HERC1: variants seen among roughly 807,000 people sequenced by gnomAD.
HERC1 encodes the protein probable E3 ubiquitin-protein ligase HERC1.
Under a neutral mutation model 554.3 loss-of-function variants are expected in HERC1, and 160 were observed. That is an observed-to-expected ratio of 0.29 (90% CI 0.25 to 0.33). HERC1 has a LOEUF of 0.33. HERC1 is among the 10% of genes least tolerant of loss of function. HERC1 has a pLI of 1.00. For missense variants in HERC1, 4,919 were observed against 5,918.5 expected, an observed-to-expected ratio of 0.83 and a Z score of 5.54; for synonymous variants, 2,175 against 2,131.7, an observed-to-expected ratio of 1.02 and a Z score of -0.56.
intron 1 of HERC1, among the ~76,000 whole-genome samples, chr15:63,801,157 TG>T (rs1310977628): frequency 1.3e-5 from 2 of 152,206 alleles, no homozygotes; most frequent in Admixed American, 1.3e-4. Context: ...CTCTCCCATT[TG>T]GTTATTCCTG....
intron 25 of HERC1, among the ~76,000 whole-genome samples, chr15:63,703,273 G>GC (rs2072826969): frequency 6.6e-6 from 1 of 152,172 alleles, no homozygotes; most frequent in African/African-American, 2.4e-5. Flanking sequence ...AGTGAGGGGA[G>GC]AAAAAGGCGC....
chr15:63,708,978 G>A (rs1246450860), intron 24 of HERC1, among the ~76,000 whole-genome samples: 2 of 151,976 alleles, frequency 1.3e-5, no homozygotes, highest in South Asian at 4.2e-4. Context: ...AAGGAAAGAT[G>A]ATCAAAAGTC....
chr15:63,629,255 T>A (rs888505543), intron 69 of HERC1, among the ~76,000 whole-genome samples: 1 of 152,144 alleles, frequency 6.6e-6, no homozygotes, highest in African/African-American at 2.4e-5. Flanking sequence ...CAGCCCCCAA[T>A]AATAAAATAC....
rs183195356 is a variant in HERC1 at position 63,830,277 on chromosome 15, A to G, written c.-27+3550T>C. 6.6e-5 allele frequency among the ~76,000 whole-genome samples: 10 copies of G among 152,348 alleles called. No individual in the cohort carries two copies. In the East Asian group the frequency reaches 1.5e-3, roughly 23 times the overall value. ...GACATGTCAACACCATGTACCCCCA[A>G]TATGATGCATTGAGAAGGACACAAC... On this transcript the variant is annotated intron_variant, in intron 1 of 77. Transcript: ENST00000443617.
At position 63,640,373 on chromosome 15, in the gene HERC1, G is replaced by C; in HGVS notation, c.11680C>G (p.Leu3894Val). The change falls in exon 61 of 78, where the codon CTT becomes GTT. Residue 3894 changes from leucine to valine, a missense_variant. Coordinates refer to ENST00000443617, the MANE Select transcript of HERC1 (RefSeq NM_003922.4). ...TTACACAACAGCTGATCCAGATGAA[G>C]TCCCACAGCAAGGGAAGCCAAGCAT... ...MQCLASLAVG[L>V]HLDQLLCNPP... 1 of 1,613,870 alleles carries C rather than the reference G, an allele frequency of 6.2e-7. No homozygotes were observed. Among genetic ancestry groups the C allele is most frequent in the Non-Finnish European group, 8.5e-7 (1 of 1,179,782 alleles).
intron 2 of HERC1, among the ~76,000 whole-genome samples, chr15:63,770,834 T>C (rs1217917273): frequency 6.6e-6 from 1 of 152,170 alleles, no homozygotes; most frequent in Non-Finnish European, 1.5e-5. Flanking sequence ...GGTTGGGGTC[T>C]AGTGTATCAG....
At chr15:63,647,666 G>C (rs750875968) in intron 55 of HERC1, among the ~76,000 whole-genome samples, 2 of 152,212 alleles carry the variant, frequency 1.3e-5, no homozygotes, top group Non-Finnish European at 2.9e-5. Context: ...ATACTATGCA[G>C]CCATAAAAAG....
In HERC1 at chr15:63,616,569, G is replaced by A. The variant is rs1361535232; in HGVS notation, c.13802C>T (p.Ala4601Val). ...GCACAGCTGCTTCCACACCAGAGGG[G>A]CCAAGTGGAGGTCCAGAGGCTTCTT... is the stretch of plus-strand genomic sequence containing the variant. Reference protein sequence around the residue: ...RTKKPLDLHLAPLVWKQLCCV... With the variant: ...RTKKPLDLHLVPLVWKQLCCV... The change falls in exon 75 of 78, where the codon GCC becomes GTC. Residue 4601 changes from alanine (A) to valine (V), a missense_variant. By Grantham distance (64) the Ala-to-Val change is moderately conservative. This residue lies in a region of HERC1 where 284 missense variants were observed against 294.1 expected (regional missense o/e 0.97). Transcript: ENST00000443617. The A allele has an allele frequency of 6.2e-7, 1 of 1,613,964 alleles. No homozygotes were observed. Among genetic ancestry groups the A allele is most frequent in the Non-Finnish European group, 8.5e-7 (1 of 1,179,884 alleles).
Position 63,638,508 on chromosome 15 carries a change from AC to A in HERC1, c.11995del (p.Val3999SerfsTer19). 6.2e-7 allele frequency: 1 copy of A among 1,613,886 alleles called. No individual in the cohort carries two copies. The highest frequency in any genetic ancestry group is 8.5e-7 in the Non-Finnish European group (1 of 1,179,820). ...ATGCCTACCAGCACCCCATAAGTAG[AC>A]ATCACATTTACCTCCCAGGTGCCAG... Reference protein sequence around the residue: ...EDWHLGGKCDVYLWGAGRHGQ... With the variant: ...EDWHLGGKCDXYLWGAGRHGQ... On this transcript the variant is annotated frameshift_variant, in exon 63 of 78. Coordinates refer to ENST00000443617, the MANE Select transcript of HERC1 (RefSeq NM_003922.4). LOFTEE classifies it high-confidence loss of function.
chr15:63,789,419 T>C (rs951236047), intron 1 of HERC1, among the ~76,000 whole-genome samples: 5 of 152,054 alleles, frequency 3.3e-5, no homozygotes, highest in Non-Finnish European at 7.4e-5. Context: ...TTTAAAATTA[T>C]ATATCACAAA....
chr15:63,664,687 C>CCTG, intron 42 of HERC1, 93 bp from the exon 43 acceptor site: 2 of 1,046,882 alleles, frequency 1.9e-6, no homozygotes, highest in Non-Finnish European at 2.7e-6. Context: ...CTACTTTATT[C>CCTG]TCATTGAGAA....
Position 63,756,880 on chromosome 15 carries a change from G to T in HERC1, c.1222-132C>A. 1 of 599,952 alleles carries T rather than the reference G, an allele frequency of 1.7e-6. No homozygotes were observed. The highest frequency in any genetic ancestry group is 2.8e-6 in the Non-Finnish European group (1 of 351,868). The allele number at this position is 599,952 out of a possible 1,614,324, so 37.2% of individuals were successfully genotyped here. A position where few individuals can be genotyped will look rare whatever the true frequency, so the allele number is the denominator to read the frequency against. On this transcript the variant is annotated intron_variant, in intron 4 of 77. Coordinates refer to ENST00000443617, the MANE Select transcript of HERC1 (RefSeq NM_003922.4). The surrounding 1 kb of genome is among the most constrained non-coding windows in gnomAD (Gnocchi z 5.0). ...CGGCATGATTCTCCAGAGAGATTAA[G>T]GAATATACAGAAATCTAAGAGAACA...
chr15:63,648,013 T>C (rs2069447712), intron 55 of HERC1, 56 bp downstream of exon 55: 3 of 1,368,628 alleles, frequency 2.2e-6, no homozygotes, highest in Non-Finnish European at 3.0e-6. Context: ...AATCTATGCA[T>C]GTAACAAAAT....
In HERC1 at chr15:63,672,201, A is replaced by T. The variant is rs546627168; in HGVS notation, c.8045+295T>A. Among the ~76,000 whole-genome samples the T allele has an allele frequency of 5.9e-5, 9 of 152,298 alleles. No homozygotes were observed. The South Asian group carries it at 1.9e-3, about 32-fold the overall frequency. Reference sequence around the variant, plus strand: ...TTTGAGGAAAAAAAAATACTCAAAAACTTAGGGGAAAAAATTATCATCATA... The same window carrying T: ...TTTGAGGAAAAAAAAATACTCAAAATCTTAGGGGAAAAAATTATCATCATA... On this transcript the variant is annotated intron_variant, in intron 39 of 77. Coordinates refer to ENST00000443617, the MANE Select transcript of HERC1 (RefSeq NM_003922.4).
chr15:63,664,371 G>T (rs1351970612), intron 43 of HERC1, 99 bp downstream of exon 43: 2 of 1,031,926 alleles, frequency 1.9e-6, no homozygotes, highest in Non-Finnish European at 2.9e-6. Flanking sequence ...GAGGGACTGA[G>T]CACTTAGTAT....
intron 68 of HERC1, 49 bp downstream of exon 68, chr15:63,632,660 A>G (rs1260739387): frequency 1.7e-6 from 2 of 1,207,366 alleles, no homozygotes; most frequent in Admixed American, 4.0e-5. Flanking sequence ...TGGAAGGCCA[A>G]TGTTTATAAT....
intron 1 of HERC1, among the ~76,000 whole-genome samples, chr15:63,820,673 A>T (rs761069936): frequency 3.9e-5 from 6 of 152,052 alleles, no homozygotes; most frequent in Non-Finnish European, 8.8e-5. Context: ...CAAAAGCAAC[A>T]GAGACGTTAT....
chr15:63,672,704 A>G lies in HERC1; in HGVS notation c.7847-10T>C. 6.7e-7 allele frequency: 1 copy of G among 1,484,864 alleles called. No homozygotes were observed. The highest frequency in any genetic ancestry group is 9.1e-7 in the Non-Finnish European group (1 of 1,098,218). The allele number at this position is 1,484,864 out of a possible 1,614,324, so 92.0% of individuals were successfully genotyped here. On this transcript the variant is annotated splice_polypyrimidine_tract_variant and intron_variant, in intron 38 of 77. Coordinates refer to ENST00000443617, the MANE Select transcript of HERC1 (RefSeq NM_003922.4). ...GCTTGTTGATCAATCTCTAGAAACC[A>G]AAAAAAAGGTTAAGAAAGTAGTAAG...
intron 74 of HERC1, among the ~76,000 whole-genome samples, chr15:63,618,930 G>A (rs1278701398): frequency 1.3e-5 from 2 of 152,152 alleles, no homozygotes; most frequent in Non-Finnish European, 2.9e-5. Context: ...ATACAATCAT[G>A]TCATCTGCAA....
Sources: allele counts gnomAD v4.1 joint callset (sites outside exome capture counted in the v4.1 genomes callset), GRCh38; gene constraint gnomAD v4.1.1; regional missense constraint gnomAD v4.1.1; non-coding constraint Gnocchi (gnomAD v3.1); transcripts MANE v1.5; gene names NCBI Gene and HGNC (gene_info 2026-07-23, HGNC 2026-07-21).